The following ATL3 variants were observed in gnomAD, a reference collection of about 807,000 sequenced individuals.
ATL3 encodes atlastin GTPase 3, also known as atlastin-3.
Under a neutral mutation model 69.5 loss-of-function variants are expected in ATL3, and 49 were observed. The observed-to-expected ratio is 0.71, with a 90% CI of 0.56 to 0.89. The LOEUF (loss-of-function observed/expected upper bound fraction) is 0.89, where lower values mean the gene tolerates loss of function less well. Ranked by LOEUF, ATL3 falls within the 40% of genes least tolerant of loss-of-function variation. The pLI, the probability that ATL3 is intolerant of heterozygous loss-of-function variation, is 0.00. For synonymous variants in ATL3, 214 were observed against 224.1 expected (o/e 0.95, Z 0.40); for missense variants, 606 against 645.7 (o/e 0.94, Z 0.67).
chr11:63,662,546 C>T (rs900545174), intron 1 of ATL3, among the ~76,000 whole-genome samples: 2 of 152,198 alleles, frequency 1.3e-5, no homozygotes, highest in African/African-American at 4.8e-5. Context: ...ATGGCACAAT[C>T]TTGCCTCACT....
chr11:63,633,211 A>G, intron 10 of ATL3, 114 bp from the exon 11 acceptor site: 7 of 798,230 alleles, frequency 8.8e-6, no homozygotes, highest in Non-Finnish European at 1.4e-5. Flanking sequence ...TTAACCTTCT[A>G]TTTTTCTAGA....
chr11:63,656,446 T>G (rs1940250976), intron 3 of ATL3, among the ~76,000 whole-genome samples: 1 of 151,900 alleles, frequency 6.6e-6, no homozygotes, highest in Non-Finnish European at 1.5e-5. Flanking sequence ...AGAAACAATG[T>G]CAGCAGACTG....
intron 3 of ATL3, among the ~76,000 whole-genome samples, chr11:63,654,171 G>T (rs1199005742): frequency 1.4e-5 from 2 of 146,888 alleles, no homozygotes; most frequent in African/African-American, 5.1e-5. Flanking sequence ...TTTTTGAGAC[G>T]GAGTCTTGCG....
rs1387345660 is a variant in ATL3, at chr11:63,625,160, GCTT to G, written c.*4156_*4158del. 2.0e-4 allele frequency: 30 copies of G among 152,192 alleles called. No individual in the cohort carries two copies. The highest frequency in any genetic ancestry group is 6.5e-4 in the African/African-American group (27 of 41,518). 9.4% of individuals were successfully genotyped at this position (152,192 alleles called of 1,614,324 possible). The stretch of plus-strand genomic sequence containing the variant: ...GACTGCAAATATTATTTTACAATGG[GCTT>G]CTTAATGTCATTTTTAAAAATTAAT... On this transcript the variant is annotated 3_prime_UTR_variant, in exon 13 of 13. Coordinates refer to ENST00000398868, the MANE Select transcript of ATL3 (RefSeq NM_015459.5).
intron 5 of ATL3, 21 bp from the exon 6 acceptor site, chr11:63,646,584 G>A: frequency 6.4e-7 from 1 of 1,561,246 alleles, no homozygotes; most frequent in Non-Finnish European, 8.7e-7. Context: ...GAAGCATTAT[G>A]GTTTGTAAAG....
chr11:63,649,032 A>G (rs1565277126), intron 5 of ATL3, among the ~76,000 whole-genome samples: 1 of 151,776 alleles, frequency 6.6e-6, no homozygotes. Context: ...AAGGCAGCAG[A>G]ATCACTTGAA....
chr11:63,657,547 A>C (rs953671800), intron 3 of ATL3, among the ~76,000 whole-genome samples: 18 of 152,236 alleles, frequency 1.2e-4, no homozygotes, highest in Non-Finnish European at 1.5e-5. Context: ...GGTAACACAT[A>C]AGAGCATCAG....
chr11:63,627,354 T>C lies in ATL3; in HGVS notation c.*1965A>G, dbSNP rs1320902177. 1 of 152,214 alleles carries C rather than the reference T, an allele frequency of 6.6e-6. No homozygotes were observed. Among genetic ancestry groups the C allele is most frequent in the Non-Finnish European group, 1.5e-5 (1 of 68,028 alleles). 9.4% of individuals were successfully genotyped at this position (152,214 alleles called of 1,614,324 possible). On this transcript the variant is annotated 3_prime_UTR_variant, in exon 13 of 13. Coordinates refer to ENST00000398868, the MANE Select transcript of ATL3 (RefSeq NM_015459.5). ...GCAAGTAAACAAGCTGGAATTTTTC[T>C]AAAGTGTAACAGCAGTGAATAAAAT...
In ATL3 at chr11:63,624,344, T is replaced by C. The variant is rs951655274; in HGVS notation, c.*4975A>G. ...TTTAAGGCTTACATCCATGACAGCA[T>C]GTATCTAATTAGAAAGCTATGGGAA... On this transcript the variant is annotated 3_prime_UTR_variant, in exon 13 of 13. Transcript: ENST00000398868. 4 of 152,210 alleles carry C rather than the reference T, an allele frequency of 2.6e-5. No homozygotes were observed. Among genetic ancestry groups the C allele is most frequent in the African/African-American group, 4.8e-5 (2 of 41,452 alleles). The allele number at this position is 152,210 out of a possible 1,614,324, so 9.4% of individuals were successfully genotyped here.
rs1940338910 is a variant in ATL3 at position 63,658,909 on chromosome 11, A to G, written c.262-5T>C. On this transcript the variant is annotated splice_polypyrimidine_tract_variant and splice_region_variant and intron_variant, in intron 2 of 12. Coordinates refer to ENST00000398868, the MANE Select transcript of ATL3 (RefSeq NM_015459.5). ...ATTTGAATGGCCACTTTCCTTCTAC[A>G]GAAGTAAGAAATTTCTATTAAATCT... The G allele has an allele frequency of 1.9e-6, 3 of 1,592,388 alleles. No individual in the cohort carries two copies. The highest frequency in any genetic ancestry group is 2.6e-6 in the Non-Finnish European group (3 of 1,173,510).
At chr11:63,666,328 C>T (rs1342115375) in intron 1 of ATL3, among the ~76,000 whole-genome samples, 1 of 152,156 alleles carries the variant, frequency 6.6e-6, no homozygotes, top group African/African-American at 2.4e-5. Context: ...CGTGAGCCAC[C>T]GCGCCCGGCC....
chr11:63,632,995 T>C (rs756770197), intron 11 of ATL3, 31 bp downstream of exon 11: 20 of 1,597,116 alleles, frequency 1.3e-5, no homozygotes, highest in Non-Finnish European at 1.6e-5. Flanking sequence ...AGATTATAGA[T>C]ATTTCAGAAT....
At chr11:63,635,657 T>G (rs1939490551) in intron 9 of ATL3, 67 bp from the exon 10 acceptor site, 2 of 1,286,278 alleles carry the variant, frequency 1.6e-6, no homozygotes, top group South Asian at 2.6e-5. Flanking sequence ...TATTTAATTT[T>G]TAGAAAGTGA....
chr11:63,663,604 C>T (rs1940487515), intron 1 of ATL3, among the ~76,000 whole-genome samples: 1 of 152,130 alleles, frequency 6.6e-6, no homozygotes, highest in African/African-American at 2.4e-5. Flanking sequence ...TTCTTATTGC[C>T]CCAGCAGCAG....
chr11:63,643,560 A>T (rs1939770223), intron 7 of ATL3, 65 bp from the exon 8 acceptor site: 1 of 1,488,412 alleles, frequency 6.7e-7, no homozygotes, highest in Non-Finnish European at 9.2e-7. Context: ...AGGGACAACT[A>T]GTATAAGGAC....
chr11:63,641,515 C>A (rs1251968058), intron 8 of ATL3, among the ~76,000 whole-genome samples: 4 of 152,110 alleles, frequency 2.6e-5, no homozygotes, highest in African/African-American at 7.2e-5. Flanking sequence ...ACAAAGAAGG[C>A]GGTCATGTGA....
chr11:63,671,699 C>A, upstream of ATL3: 1 of 1,304,770 alleles, frequency 7.7e-7, no homozygotes, highest in Non-Finnish European at 9.9e-7. Context: ...CACTGGGTCC[C>A]GGCCAGCGGT....
chr11:63,669,015 G>GCA, intron 1 of ATL3, among the ~76,000 whole-genome samples: 1 of 89,560 alleles, frequency 1.1e-5, no homozygotes, highest in Middle Eastern at 4.6e-3. Flanking sequence ...TTTTTTGGGT[G>GCA]GGGGGGGGCG....
chr11:63,639,912 C>A lies in ATL3; in HGVS notation c.850+3445G>T, dbSNP rs550684040. On this transcript the variant is annotated intron_variant, in intron 8 of 12. Coordinates refer to ENST00000398868, the MANE Select transcript of ATL3 (RefSeq NM_015459.5). Reference sequence around the variant, plus strand: ...AAACATCTTTCTGTATAAAGACACACAGATTCAACTATCTACCTTATCTTT... The same window carrying A: ...AAACATCTTTCTGTATAAAGACACAAAGATTCAACTATCTACCTTATCTTT... Among the ~76,000 whole-genome samples the A allele has an allele frequency of 5.3e-5, 8 of 152,182 alleles. No homozygotes were observed. In the South Asian group the frequency reaches 1.4e-3, roughly 28 times the overall value.
Sources: gnomAD v4.1 joint callset for allele counts (sites outside exome capture counted in the v4.1 genomes callset) on GRCh38, gnomAD v4.1.1 for gene constraint, MANE v1.5 for transcripts, NCBI Gene and HGNC (gene_info 2026-07-23, HGNC 2026-07-21) for gene names.